Variants in ARL8B observed in about 807,000 individuals in gnomAD.
ARL8B encodes the protein ARF like GTPase 8B, also known as ADP-ribosylation factor-like protein 8B.
A neutral mutation model predicts 30.6 loss-of-function variants in ARL8B; 9 were observed. The observed-to-expected ratio is 0.29, with a 90% confidence interval of 0.18 to 0.51. The LOEUF (loss-of-function observed/expected upper bound fraction) is 0.51, where lower values mean the gene tolerates loss of function less well. Among genes scored for constraint, ARL8B ranks in the 20% least tolerant of loss-of-function variants. ARL8B has a pLI of 0.97. For synonymous variants in ARL8B, 74 were observed against 76.0 expected, an observed-to-expected ratio of 0.97 and a Z score of 0.14; for missense variants, 130 against 227.2, an observed-to-expected ratio of 0.57 and a Z score of 2.75.
intron 1 of ARL8B, chr3:5,128,385 A>G (rs1217968814): frequency 6.8e-6 from 3 of 438,172 alleles, no homozygotes; most frequent in Non-Finnish European, 1.4e-5. Context: ...GAGGCATCTT[A>G]CAAAGGAACA....
intron 1 of ARL8B, among the ~76,000 whole-genome samples, chr3:5,132,240 T>C (rs1030613063): frequency 3.3e-5 from 5 of 152,006 alleles, no homozygotes; most frequent in Non-Finnish European, 7.4e-5. Flanking sequence ...ATTGATCATA[T>C]TCCCTATGAT....
intron 2 of ARL8B, among the ~76,000 whole-genome samples, chr3:5,171,199 A>G (rs2054671037): frequency 6.6e-6 from 1 of 152,124 alleles, no homozygotes; most frequent in South Asian, 2.1e-4. Flanking sequence ...TATGCTTGTT[A>G]CCAGTGCTTT....
chr3:5,127,990 C>A (rs566068010), intron 1 of ARL8B, among the ~76,000 whole-genome samples: 1 of 149,306 alleles, frequency 6.7e-6, no homozygotes, highest in Non-Finnish European at 1.5e-5. Flanking sequence ...GAGTTTGAGA[C>A]CAGCCTGACC....
intron 1 of ARL8B, among the ~76,000 whole-genome samples, chr3:5,130,187 A>T (rs35833834): frequency 0.35 from 45,761 of 129,532 alleles, 8,597 homozygotes; most frequent in African/African-American, 0.58. Flanking sequence ...CTTAAAAAAA[A>T]ATATATATTT....
chr3:5,130,845 C>G (rs1285134326), intron 1 of ARL8B, among the ~76,000 whole-genome samples: 1 of 151,946 alleles, frequency 6.6e-6, no homozygotes, highest in African/African-American at 2.4e-5. Flanking sequence ...CTTCAGTATG[C>G]AAAATGTAGC....
At chr3:5,158,274 C>T (rs76468002) in intron 1 of ARL8B, among the ~76,000 whole-genome samples, 1,628 of 152,170 alleles carry the variant, frequency 0.011, 37 homozygotes, top group African/African-American at 0.038. Flanking sequence ...GTGAGCCACG[C>T]GCCCAGCCTG....
At chr3:5,139,490 T>A (rs757555192) in intron 1 of ARL8B, among the ~76,000 whole-genome samples, 9 of 152,198 alleles carry the variant, frequency 5.9e-5, no homozygotes, top group Non-Finnish European at 1.0e-4. Context: ...TATGCTATAA[T>A]CCTTGGTCAC....
chr3:5,138,558 C>T (rs898937350), intron 1 of ARL8B, among the ~76,000 whole-genome samples: 6 of 151,990 alleles, frequency 3.9e-5, no homozygotes, highest in Non-Finnish European at 5.9e-5. Context: ...TAGTATAAGC[C>T]AATTACATAT....
chr3:5,146,842 G>T (rs1194237761), intron 1 of ARL8B, among the ~76,000 whole-genome samples: 3 of 152,018 alleles, frequency 2.0e-5, no homozygotes, highest in Non-Finnish European at 2.9e-5. Flanking sequence ...CCTTGGTTCA[G>T]TACCCCTTGG....
At position 5,180,706 on chromosome 3, in the gene ARL8B, C is replaced by T. The variant is rs1212949556; in HGVS notation, c.*1993C>T. 1 of 152,588 alleles carries T rather than the reference C, an allele frequency of 6.6e-6. No individual in the cohort carries two copies. The highest frequency in any genetic ancestry group is 1.5e-5 in the Non-Finnish European group (1 of 68,030). The allele number at this position is 152,588 out of a possible 1,614,324, so 9.5% of individuals were successfully genotyped here. ...GGATGCATTTTTTGTCTGTTTACTGCTCTTCTCAGCTTTATTCAATAAACT... is the reference window on the plus strand; with the variant it reads ...GGATGCATTTTTTGTCTGTTTACTGTTCTTCTCAGCTTTATTCAATAAACT... On this transcript the variant is annotated 3_prime_UTR_variant, in exon 7 of 7. Coordinates refer to ENST00000256496, the MANE Select transcript of ARL8B (RefSeq NM_018184.3).
At chr3:5,126,522 C>T (rs1323431296) in intron 1 of ARL8B, among the ~76,000 whole-genome samples, 1 of 152,150 alleles carries the variant, frequency 6.6e-6, no homozygotes, top group African/African-American at 2.4e-5. Flanking sequence ...TAATAGATGT[C>T]ATTTAACTTA....
Position 5,160,709 on chromosome 3 carries a change from T to G in ARL8B, c.124-9794T>G, listed in dbSNP as rs562762357. On this transcript the variant is annotated intron_variant, in intron 1 of 6. Coordinates refer to ENST00000256496, the MANE Select transcript of ARL8B (RefSeq NM_018184.3). ...AGTTATCTAGATGTGATATGACCAGTTGATCCCCTGTAATAAAAACAATTA... is the reference window on the plus strand; with the variant it reads ...AGTTATCTAGATGTGATATGACCAGGTGATCCCCTGTAATAAAAACAATTA... Among the ~76,000 whole-genome samples, 5 of 152,356 alleles carry G rather than the reference T, an allele frequency of 3.3e-5. No individual in the cohort carries two copies. In the East Asian group the frequency reaches 9.6e-4, roughly 29 times the overall value.
chr3:5,178,875 C>CCTG lies in ARL8B; in HGVS notation c.*162_*163insCTG. ...CTGCTGAAGATGAATATCCCTAATC[C>CCTG]TTCATAAAGAATCAGCTAGAGTTGT... On this transcript the variant is annotated 3_prime_UTR_variant, in exon 7 of 7. Coordinates refer to ENST00000256496, the MANE Select transcript of ARL8B (RefSeq NM_018184.3). 1 of 1,265,102 alleles carries CCTG rather than the reference C, an allele frequency of 7.9e-7. No homozygotes were observed. The highest frequency in any genetic ancestry group is 1.5e-5 in the African/African-American group (1 of 65,832). The allele number at this position is 1,265,102 out of a possible 1,614,324, so 78.4% of individuals were successfully genotyped here.
chr3:5,139,145 C>G (rs2054351498), intron 1 of ARL8B, among the ~76,000 whole-genome samples: 1 of 152,014 alleles, frequency 6.6e-6, no homozygotes, highest in Non-Finnish European at 1.5e-5. Context: ...CCATATGATA[C>G]TATTAGTTTG....
At chr3:5,177,357 AT>A (rs1455065372) in intron 6 of ARL8B, among the ~76,000 whole-genome samples, 1 of 151,858 alleles carries the variant, frequency 6.6e-6, no homozygotes, top group Non-Finnish European at 1.5e-5. Flanking sequence ...TGAGTATCTT[AT>A]TTCTGTTGTC....
rs748929486 is a variant in ARL8B at position 5,140,729 on chromosome 3, C to T, written c.123+18141C>T. 8.3e-4 allele frequency among the ~76,000 whole-genome samples: 126 copies of T among 152,128 alleles called. 1 individual carries two copies. Among genetic ancestry groups the T allele is most frequent in the Non-Finnish European group, 2.5e-4 (17 of 68,022 alleles). The stretch of plus-strand genomic sequence containing the variant: ...GTATGGAGCTGTGATTTGTTGTCAT[C>T]TGAAATTCTAGGCTATAATAATTGT... On this transcript the variant is annotated intron_variant, in intron 1 of 6. Transcript: ENST00000256496.
At chr3:5,134,433 G>A (rs148888844) in intron 1 of ARL8B, among the ~76,000 whole-genome samples, 2 of 152,300 alleles carry the variant, frequency 1.3e-5, no homozygotes, top group Non-Finnish European at 2.9e-5. Flanking sequence ...CTTTGCTGTC[G>A]AATTCGAAGA....
intron 1 of ARL8B, among the ~76,000 whole-genome samples, chr3:5,130,316 C>T (rs1484739356): frequency 2.0e-5 from 3 of 151,896 alleles, no homozygotes; most frequent in South Asian, 2.1e-4. Flanking sequence ...GGAGCCACCA[C>T]GCCTGCCCCT....
At chr3:5,165,036 T>C (rs903713410) in intron 1 of ARL8B, among the ~76,000 whole-genome samples, 2 of 152,220 alleles carry the variant, frequency 1.3e-5, no homozygotes, top group Admixed American at 1.3e-4. Flanking sequence ...ATGGTGTCTG[T>C]AGGCACATGA....
Sources: gnomAD v4.1 joint callset for allele counts (sites outside exome capture counted in the v4.1 genomes callset) on GRCh38, gnomAD v4.1.1 for gene constraint, MANE v1.5 for transcripts, NCBI Gene and HGNC (gene_info 2026-07-23, HGNC 2026-07-21) for gene names.